Variants in SS18 observed in about 807,000 individuals in gnomAD.
The protein encoded by SS18 is SS18 subunit of BAF chromatin remodeling complex, also known as protein SSXT.
A neutral mutation model predicts 72.5 loss-of-function variants in SS18; 28 were observed. The observed-to-expected ratio is 0.39, with a 90% CI of 0.29 to 0.53. The LOEUF is 0.53. Among genes scored for constraint, SS18 ranks in the 20% least tolerant of loss-of-function variants. The pLI is 0.76. For missense variants in SS18, 518 were observed against 535.3 expected, an observed-to-expected ratio of 0.97 and a Z score of 0.32; for synonymous variants, 172 against 164.2, an observed-to-expected ratio of 1.05 and a Z score of -0.37.
At chr18:26,029,001 G>A (rs902408005) in intron 10 of SS18, among the ~76,000 whole-genome samples, 5 of 152,178 alleles carry the variant, frequency 3.3e-5, no homozygotes, top group African/African-American at 9.7e-5. Flanking sequence ...TCTTACTTAG[G>A]TGGTCAGTGA....
intron 2 of SS18, chr18:26,086,091 T>C (rs747892367): frequency 2.6e-5 from 4 of 152,256 alleles, no homozygotes; most frequent in African/African-American, 9.6e-5. Context: ...TTTTTTCTTA[T>C]TATTCCCTAA....
chr18:26,027,957 A>G (rs1332180317), intron 10 of SS18, among the ~76,000 whole-genome samples: 1 of 152,028 alleles, frequency 6.6e-6, no homozygotes, highest in Non-Finnish European at 1.5e-5. Context: ...CTGATAAACT[A>G]AGCTTCATCA....
chr18:26,074,402 T>C (rs2054371824), intron 3 of SS18, among the ~76,000 whole-genome samples: 1 of 151,994 alleles, frequency 6.6e-6, no homozygotes, highest in African/African-American at 2.4e-5. Flanking sequence ...ATTCTTCCCC[T>C]TTCTAACTAC....
At chr18:26,036,586 A>G (rs2053629674) in intron 7 of SS18, among the ~76,000 whole-genome samples, 1 of 152,146 alleles carries the variant, frequency 6.6e-6, no homozygotes, top group Admixed American at 6.6e-5. Flanking sequence ...AATAAATTTT[A>G]CCTGCGAGAT....
At chr18:26,048,685 C>T (rs1190830500) in intron 5 of SS18, among the ~76,000 whole-genome samples, 1 of 152,162 alleles carries the variant, frequency 6.6e-6, no homozygotes, top group Non-Finnish European at 1.5e-5. Flanking sequence ...ACTTTCATGT[C>T]AAGCCTCTGG....
intron 3 of SS18, among the ~76,000 whole-genome samples, chr18:26,062,154 G>A (rs2054135052): frequency 6.6e-6 from 1 of 152,114 alleles, no homozygotes; most frequent in Admixed American, 6.5e-5. Flanking sequence ...CAGCTAACTC[G>A]AGAGGCTGAG....
At chr18:26,074,054 T>C (rs916775393) in intron 3 of SS18, among the ~76,000 whole-genome samples, 5 of 152,156 alleles carry the variant, frequency 3.3e-5, no homozygotes, top group Non-Finnish European at 7.4e-5. Context: ...AGCATCCCCA[T>C]ACTTAGGCAC....
chr18:26,050,012 T>C (rs1455434486), intron 5 of SS18, among the ~76,000 whole-genome samples: 1 of 152,192 alleles, frequency 6.6e-6, no homozygotes, highest in Non-Finnish European at 1.5e-5. Context: ...TTCGGGAGGC[T>C]GAGGTGGATG....
In SS18 at chr18:26,044,777, G is replaced by C. The variant is rs544125772; in HGVS notation, c.608-5321C>G. Reference sequence around the variant, plus strand: ...TGGATGGGGGTTTTGGGCCAAGCAGGGGGGTAAAGGATCGAGATTGGAGAC... The same window carrying C: ...TGGATGGGGGTTTTGGGCCAAGCAGCGGGGTAAAGGATCGAGATTGGAGAC... On this transcript the variant is annotated intron_variant, in intron 5 of 10. Coordinates refer to ENST00000415083, the MANE Select transcript of SS18 (RefSeq NM_001007559.3). 5.3e-5 allele frequency among the ~76,000 whole-genome samples: 8 copies of C among 152,042 alleles called. No individual in the cohort carries two copies. The East Asian group carries it at 1.5e-3, about 29-fold the overall frequency.
chr18:26,046,191 C>CAAAAAAAAAAAAAAAAA (rs760639087), intron 5 of SS18, among the ~76,000 whole-genome samples: 3 of 45,026 alleles, frequency 6.7e-5, no homozygotes, highest in Non-Finnish European at 1.2e-4. Context: ...GACTCCGTCT[C>CAAAAAAAAAAAAAAAAA]AAAAAAAAAA....
rs1251879295 is a variant in SS18, at chr18:26,016,285, A to G, written c.*2069T>C. Reference sequence around the variant, plus strand: ...CACAAATAATTTATTCTTCCGTTAGAGTTGATACAGTTTTAAATAGCAACA... The same window carrying G: ...CACAAATAATTTATTCTTCCGTTAGGGTTGATACAGTTTTAAATAGCAACA... On this transcript the variant is annotated 3_prime_UTR_variant, in exon 11 of 11. Transcript: ENST00000415083. The G allele has an allele frequency of 5.6e-6, 1 of 179,562 alleles. No homozygotes were observed. Among genetic ancestry groups the G allele is most frequent in the East Asian group, 9.3e-5 (1 of 10,784 alleles). The allele number at this position is 179,562 out of a possible 1,614,324, so 11.1% of individuals were successfully genotyped here.
chr18:26,070,098 A>AC (rs1304606213), intron 3 of SS18, among the ~76,000 whole-genome samples: 1 of 152,202 alleles, frequency 6.6e-6, no homozygotes, highest in Non-Finnish European at 1.5e-5. Context: ...CTCAGCCTTC[A>AC]CCACCACACA....
At chr18:26,077,691 T>C (rs915889246) in intron 3 of SS18, among the ~76,000 whole-genome samples, 2 of 152,180 alleles carry the variant, frequency 1.3e-5, no homozygotes, top group African/African-American at 4.8e-5. Context: ...AAAGAAATTA[T>C]GGTTAACTTA....
chr18:26,034,191 G>C (rs939641219), intron 9 of SS18, among the ~76,000 whole-genome samples: 2 of 152,132 alleles, frequency 1.3e-5, no homozygotes, highest in Non-Finnish European at 2.9e-5. Flanking sequence ...GGTAGACAAA[G>C]ATGTCCACAG....
chr18:26,017,658 G>A lies in SS18; in HGVS notation c.*696C>T, dbSNP rs1598515212. ...TAAAAAGGTTTAATCCACAAAACTGGAAGGCTTTTAAAAAATGTCTTTTTA... is the reference window on the plus strand; with the variant it reads ...TAAAAAGGTTTAATCCACAAAACTGAAAGGCTTTTAAAAAATGTCTTTTTA... On this transcript the variant is annotated 3_prime_UTR_variant, in exon 11 of 11. Coordinates refer to ENST00000415083, the MANE Select transcript of SS18 (RefSeq NM_001007559.3). 4.8e-6 allele frequency: 1 copy of A among 210,076 alleles called. No homozygotes were observed. 13.0% of individuals were successfully genotyped at this position (210,076 alleles called of 1,614,324 possible).
At chr18:26,027,324 T>A (rs111916904) in intron 10 of SS18, among the ~76,000 whole-genome samples, 2,321 of 152,114 alleles carry the variant, frequency 0.015, 64 homozygotes, top group African/African-American at 0.053. Flanking sequence ...ACTGATTTTT[T>A]GCAAAGGTAA....
chr18:26,090,628 G>A (rs767727246), upstream of SS18: 15 of 1,514,472 alleles, frequency 9.9e-6, no homozygotes, highest in African/African-American at 4.1e-5. Context: ...GGCAAACTGG[G>A]GGAGAGACGC....
intron 5 of SS18, among the ~76,000 whole-genome samples, chr18:26,048,863 T>G (rs1194503966): frequency 6.6e-6 from 1 of 152,214 alleles, no homozygotes; most frequent in Non-Finnish European, 1.5e-5. Context: ...CAATCTCAAA[T>G]GTTTTTGTGT....
In SS18 at chr18:26,052,633, G is replaced by C. The variant is rs2053941343; in HGVS notation, c.598C>G (p.Pro200Ala). ...YGPRPNMSMQPNQGPMMHQQP... is the reference protein window; with the variant it reads ...YGPRPNMSMQANQGPMMHQQP... ...CATAAAGCTTAGTTACCTTGGTTTG[G>C]CTGCATACTCATATTTGGTCTGGGA... The change falls in exon 5 of 11, where the codon CCA becomes GCA. Residue 200 changes from proline to alanine, a missense_variant. Pro to Ala is a conservative substitution (Grantham distance 27). Transcript: ENST00000415083. 1.2e-6 allele frequency: 2 copies of C among 1,613,582 alleles called. No individual in the cohort carries two copies. The highest frequency in any genetic ancestry group is 1.7e-6 in the Non-Finnish European group (2 of 1,179,496).
Sources: allele counts gnomAD v4.1 joint callset (sites outside exome capture counted in the v4.1 genomes callset), GRCh38; gene constraint gnomAD v4.1.1; transcripts MANE v1.5; gene names NCBI Gene and HGNC (gene_info 2026-07-23, HGNC 2026-07-21).